The following NUP214 variants were observed in gnomAD, a reference collection of about 807,000 sequenced individuals.
NUP214 encodes nuclear pore complex protein Nup214.
NUP214 carries 79 observed loss-of-function variants against 196.2 expected under a neutral mutation model. That is an observed-to-expected ratio of 0.40 (90% CI 0.34 to 0.49). NUP214 has a LOEUF of 0.49. NUP214 is among the 20% of genes least tolerant of loss of function. The pLI, the probability that NUP214 is intolerant of heterozygous loss-of-function variation, is 0.58. For missense variants in NUP214, 2,468 were observed against 2,539.0 expected (o/e 0.97, Z 0.60); for synonymous variants, 1,020 against 990.5 (o/e 1.03, Z -0.56).
intron 24 of NUP214, among the ~76,000 whole-genome samples, chr9:131,184,337 T>C (rs960752159): frequency 6.4e-5 from 9 of 140,784 alleles, no homozygotes; most frequent in South Asian, 4.5e-4. Flanking sequence ...GCCTCTCTCT[T>C]TTTTTTTTTT....
Position 131,233,657 on chromosome 9 carries a change from T to C in NUP214, c.*170T>C, listed in dbSNP as rs772882830. The stretch of plus-strand genomic sequence containing the variant: ...AGGCGCATGATTACTTGTTTTATAT[T>C]TCATGTTGGGTTTTCCCTCCCACTA... On this transcript the variant is annotated 3_prime_UTR_variant, in exon 36 of 36. Transcript: ENST00000359428. 1 of 743,584 alleles carries C rather than the reference T, an allele frequency of 1.3e-6. No individual in the cohort carries two copies. The highest frequency in any genetic ancestry group is 1.5e-5 in the South Asian group (1 of 67,674). 46.1% of individuals were successfully genotyped at this position (743,584 alleles called of 1,614,324 possible). A position where few individuals can be genotyped will look rare whatever the true frequency, so the allele number is the denominator to read the frequency against.
chr9:131,133,265 G>C lies in NUP214; in HGVS notation c.831+56G>C. On this transcript the variant is annotated intron_variant, in intron 7 of 35. Transcript: ENST00000359428. ...AGAATTAGAGAAGTCTTCTAATAAA[G>C]CTGGAGGCTTTGATTTCAAGGGGTT... 2.7e-6 allele frequency: 3 copies of C among 1,110,888 alleles called. No individual in the cohort carries two copies. In the Admixed American group the frequency reaches 8.3e-5, roughly 31 times the overall value. 68.8% of individuals were successfully genotyped at this position (1,110,888 alleles called of 1,614,324 possible).
intron 7 of NUP214, 23 bp downstream of exon 7, chr9:131,133,232 ATTGT>A: frequency 1.4e-6 from 2 of 1,394,958 alleles, no homozygotes; most frequent in Non-Finnish European, 1.9e-6. Flanking sequence ...AAGAAATTTC[ATTGT>A]TTGAGAATTA....
At chr9:131,203,474 C>T (rs151279088) in intron 30 of NUP214, among the ~76,000 whole-genome samples, 919 of 152,278 alleles carry the variant, frequency 6.0e-3, no homozygotes, top group Non-Finnish European at 8.9e-3. Flanking sequence ...TTGTGACTTT[C>T]TGAAGGTAGA....
intron 23 of NUP214, 91 bp downstream of exon 23, chr9:131,175,712 G>C (rs538648540): frequency 2.1e-6 from 3 of 1,462,772 alleles, no homozygotes; most frequent in Non-Finnish European, 2.7e-6. Flanking sequence ...AACAGTGGGC[G>C]CTCTTTGGTG....
chr9:131,172,742 G>A (rs1214682406), intron 21 of NUP214, among the ~76,000 whole-genome samples: 9 of 152,170 alleles, frequency 5.9e-5, no homozygotes, highest in African/African-American at 1.4e-4. Context: ...TAAGACAGCC[G>A]TAGCACATAG....
At chr9:131,133,354 G>GA (rs1831620019) in intron 7 of NUP214, 145 bp downstream of exon 7, 1 of 539,884 alleles carries the variant, frequency 1.9e-6, no homozygotes, top group African/African-American at 2.1e-5. Context: ...GCCCAGGCTA[G>GA]AGTGCAGTGA....
In NUP214 at chr9:131,214,098, G is replaced by A. The variant is rs1414976302; in HGVS notation, c.5593-1114G>A. Reference sequence around the variant, plus strand: ...TGTTGCATAGTCTGGGCAAAAGGTTGGGGTTAGGTGGCTCAGACCAGAGTA... The same window carrying A: ...TGTTGCATAGTCTGGGCAAAAGGTTAGGGTTAGGTGGCTCAGACCAGAGTA... On this transcript the variant is annotated intron_variant, in intron 30 of 35. Coordinates refer to ENST00000359428, the MANE Select transcript of NUP214 (RefSeq NM_005085.4). Among the ~76,000 whole-genome samples, 2 of 152,184 alleles carry A rather than the reference G, an allele frequency of 1.3e-5. 1 individual carries two copies. Among genetic ancestry groups the A allele is most frequent in the East Asian group, 3.8e-4 (2 of 5,196 alleles).
chr9:131,221,314 A>G (rs370299521), intron 31 of NUP214, among the ~76,000 whole-genome samples: 44 of 152,268 alleles, frequency 2.9e-4, no homozygotes, highest in African/African-American at 9.9e-4. Flanking sequence ...CAGGCTCTCA[A>G]ATTGTCAGCA....
chr9:131,150,272 T>C, intron 14 of NUP214, 52 bp from the exon 15 acceptor site: 1 of 1,498,206 alleles, frequency 6.7e-7, no homozygotes, highest in Non-Finnish European at 9.3e-7. Flanking sequence ...CTGATATAAT[T>C]GCTTGTAGAA....
At chr9:131,176,584 C>G (rs1564196152) in intron 23 of NUP214, among the ~76,000 whole-genome samples, 1 of 152,154 alleles carries the variant, frequency 6.6e-6, no homozygotes, top group African/African-American at 2.4e-5. Context: ...CCGCCTCTAC[C>G]TCCCAAAGTG....
intron 21 of NUP214, among the ~76,000 whole-genome samples, chr9:131,165,915 A>C (rs1243174902): frequency 6.6e-6 from 1 of 152,208 alleles, no homozygotes; most frequent in Non-Finnish European, 1.5e-5. Context: ...AAATTCATAG[A>C]GATGGAAACA....
At chr9:131,213,178 C>CTT (rs1056468207) in intron 30 of NUP214, among the ~76,000 whole-genome samples, 64 of 141,176 alleles carry the variant, frequency 4.5e-4, no homozygotes, top group African/African-American at 1.3e-3. Context: ...TATCAAATCA[C>CTT]TTTTTTTTTT....
chr9:131,233,587 A>C lies in NUP214; in HGVS notation c.*100A>C. The C allele has an allele frequency of 7.8e-7, 1 of 1,282,438 alleles. No homozygotes were observed. Among genetic ancestry groups the C allele is most frequent in the Non-Finnish European group, 1.1e-6 (1 of 892,802 alleles). 79.4% of individuals were successfully genotyped at this position (1,282,438 alleles called of 1,614,324 possible). A position where few individuals can be genotyped will look rare whatever the true frequency, so the allele number is the denominator to read the frequency against. On this transcript the variant is annotated 3_prime_UTR_variant, in exon 36 of 36. Transcript: ENST00000359428. ...GGCTGTTCAGACCGACGTTGCCATC[A>C]AAACACATACACCCAGAAAGAAACA...
Position 131,234,433 on chromosome 9 carries a change from T to G in NUP214, c.*946T>G. ...GTTTTATTAGAGTGCTTCTTTATCT[T>G]TAATGCAGTATCTTTGAGGCCTGTA... is the stretch of plus-strand genomic sequence containing the variant. On this transcript the variant is annotated 3_prime_UTR_variant, in exon 36 of 36. Coordinates refer to ENST00000359428, the MANE Select transcript of NUP214 (RefSeq NM_005085.4). 1 of 232,160 alleles carries G rather than the reference T, an allele frequency of 4.3e-6. No homozygotes were observed. The highest frequency in any genetic ancestry group is 1.8e-4 in the South Asian group (1 of 5,520). 14.4% of individuals were successfully genotyped at this position (232,160 alleles called of 1,614,324 possible).
intron 9 of NUP214, 29 bp downstream of exon 9, chr9:131,136,035 T>C (rs1183019106): frequency 6.5e-7 from 1 of 1,535,970 alleles, no homozygotes. Context: ...ACTTCTGTGG[T>C]GCTTTCTTTT....
intron 30 of NUP214, among the ~76,000 whole-genome samples, chr9:131,214,177 A>G (rs1322482703): frequency 6.6e-6 from 1 of 152,120 alleles, no homozygotes; most frequent in Non-Finnish European, 1.5e-5. Context: ...GGCCCACTGG[A>G]GGTTTGATGA....
In NUP214 at chr9:131,146,300, A is replaced by G. The variant is rs1255694461; in HGVS notation, c.1941A>G (p.Pro647=). 3.1e-6 allele frequency: 5 copies of G among 1,613,948 alleles called. No individual in the cohort carries two copies. The highest frequency in any genetic ancestry group is 2.7e-5 in the African/African-American group (2 of 75,020). Residue 647 remains proline (P), a synonymous_variant, in exon 13 of 36, where the codon CCA becomes CCG. Coordinates refer to ENST00000359428, the MANE Select transcript of NUP214 (RefSeq NM_005085.4). The surrounding 1 kb of genome is among the most constrained non-coding windows in gnomAD (Gnocchi z 4.6). ...TGAAGTCCTCAGTCTTGCCCTCACC[A>G]TCAGGTATGATTTTAAGCAGACAAC... ...VPLKSSVLPS[P]SGRSAQGSSS... is the part of the protein sequence containing the mutation.
At chr9:131,222,022 TC>T (rs1376182454) in intron 31 of NUP214, among the ~76,000 whole-genome samples, 1 of 152,240 alleles carries the variant, frequency 6.6e-6, no homozygotes, top group Non-Finnish European at 1.5e-5. Flanking sequence ...TTTCCTTTTT[TC>T]CTTTAATTCT....
Sources: gnomAD v4.1 joint callset for allele counts (sites outside exome capture counted in the v4.1 genomes callset) on GRCh38, gnomAD v4.1.1 for gene constraint, Gnocchi (gnomAD v3.1) non-coding constraint, MANE v1.5 for transcripts, NCBI Gene and HGNC (gene_info 2026-07-23, HGNC 2026-07-21) for gene names.